Variants in LRRC4C observed in about 807,000 individuals in gnomAD.
LRRC4C encodes the protein leucine-rich repeat-containing protein 4C.
LRRC4C carries 5 observed loss-of-function variants against 33.6 expected under a neutral mutation model. That is an observed-to-expected ratio of 0.15 (90% CI 0.08 to 0.31). LRRC4C has a LOEUF of 0.31. LRRC4C is among the 10% of genes least tolerant of loss of function. LRRC4C has a pLI of 1.00. For missense variants in LRRC4C, 560 were observed against 796.7 expected (o/e 0.70, Z 3.58); for synonymous variants, 329 against 302.0 (o/e 1.09, Z -0.93).
At chr11:40,705,541 C>CTTTTTTTTTTTTTTTTT (rs1175946879) in intron 2 of LRRC4C, among the ~76,000 whole-genome samples, 2 of 150,380 alleles carry the variant, frequency 1.3e-5, no homozygotes, top group Non-Finnish European at 3.0e-5. Flanking sequence ...TGAACTCATT[C>CTTTTTTTTTTTTTTTTT]TTTTTTATGC....
intron 1 of LRRC4C, among the ~76,000 whole-genome samples, chr11:41,292,155 A>G (rs1046176810): frequency 6.6e-6 from 1 of 152,144 alleles, no homozygotes; most frequent in Non-Finnish European, 1.5e-5. Context: ...ACAATTAGGT[A>G]TCTCCACCTC....
At chr11:41,376,751 ATATAT>A (rs1418064084) in intron 1 of LRRC4C, among the ~76,000 whole-genome samples, 1 of 152,158 alleles carries the variant, frequency 6.6e-6, no homozygotes, top group African/African-American at 2.4e-5. Flanking sequence ...GAAAATATAC[ATATAT>A]TATAAACACA....
chr11:41,335,234 A>T (rs1187780167), intron 1 of LRRC4C, among the ~76,000 whole-genome samples: 1 of 152,224 alleles, frequency 6.6e-6, no homozygotes. Flanking sequence ...TAAGTCAGAC[A>T]TGGTCTCTGT....
intron 1 of LRRC4C, among the ~76,000 whole-genome samples, chr11:41,104,220 T>C (rs1941364316): frequency 6.6e-6 from 1 of 151,794 alleles, no homozygotes; most frequent in Admixed American, 6.6e-5. Context: ...GATACTTTTA[T>C]CCAAAAACGT....
At chr11:41,348,339 G>A (rs1333543045) in intron 1 of LRRC4C, among the ~76,000 whole-genome samples, 1 of 152,050 alleles carries the variant, frequency 6.6e-6, no homozygotes, top group Non-Finnish European at 1.5e-5. Context: ...AATAAAAAGT[G>A]TTGCTGTCTT....
chr11:41,193,187 G>A (rs1946035952), intron 1 of LRRC4C, among the ~76,000 whole-genome samples: 1 of 152,032 alleles, frequency 6.6e-6, no homozygotes. Context: ...CACTTTTTCT[G>A]TATTGTTTTC....
intron 4 of LRRC4C, among the ~76,000 whole-genome samples, chr11:40,251,306 G>C (rs1590822041): frequency 6.6e-6 from 1 of 152,040 alleles, no homozygotes; most frequent in Non-Finnish European, 1.5e-5. Flanking sequence ...TAAATATTAG[G>C]ACAATGAATA....
chr11:40,747,528 A>G (rs1048001803), intron 2 of LRRC4C, among the ~76,000 whole-genome samples: 1 of 152,166 alleles, frequency 6.6e-6, no homozygotes, highest in Non-Finnish European at 1.5e-5. Flanking sequence ...TCACCACCGA[A>G]GGAGCGTGAT....
chr11:41,366,964 G>C (rs919733769), intron 1 of LRRC4C, among the ~76,000 whole-genome samples: 10 of 152,146 alleles, frequency 6.6e-5, no homozygotes, highest in Non-Finnish European at 1.3e-4. Context: ...GATGTTAATA[G>C]AGACCAAAAA....
chr11:41,337,345 A>C (rs1951489506), intron 1 of LRRC4C, among the ~76,000 whole-genome samples: 1 of 152,172 alleles, frequency 6.6e-6, no homozygotes, highest in African/African-American at 2.4e-5. Context: ...TGCACCTGGA[A>C]AAAATTAAAT....
At chr11:40,297,522 C>T (rs1452943232) in intron 4 of LRRC4C, among the ~76,000 whole-genome samples, 2 of 151,900 alleles carry the variant, frequency 1.3e-5, no homozygotes, top group Non-Finnish European at 2.9e-5. Context: ...CCTAATAATC[C>T]TCTATTCTTT....
chr11:41,105,483 T>C (rs934942612), intron 1 of LRRC4C, among the ~76,000 whole-genome samples: 10 of 152,026 alleles, frequency 6.6e-5, no homozygotes, highest in African/African-American at 2.4e-4. Context: ...GTTCATCTCA[T>C]TAATTTTTGT....
At chr11:40,310,942 G>A (rs1439175324) in intron 4 of LRRC4C, among the ~76,000 whole-genome samples, 1 of 152,186 alleles carries the variant, frequency 6.6e-6, no homozygotes, top group Non-Finnish European at 1.5e-5. Flanking sequence ...AATTCGGGAT[G>A]TGATACACTG....
At chr11:40,667,502 T>C (rs1326915094) in intron 2 of LRRC4C, among the ~76,000 whole-genome samples, 1 of 152,170 alleles carries the variant, frequency 6.6e-6, no homozygotes, top group Non-Finnish European at 1.5e-5. Flanking sequence ...CAAGGGAATA[T>C]GGCAAAAGTA....
intron 2 of LRRC4C, among the ~76,000 whole-genome samples, chr11:40,774,447 T>A (rs1212543676): frequency 6.6e-6 from 1 of 152,190 alleles, no homozygotes; most frequent in Non-Finnish European, 1.5e-5. Context: ...CAATTGGGGA[T>A]AAATTAATCT....
chr11:41,235,405 G>T (rs1947977001), intron 1 of LRRC4C, among the ~76,000 whole-genome samples: 1 of 152,046 alleles, frequency 6.6e-6, no homozygotes, highest in Non-Finnish European at 1.5e-5. Flanking sequence ...TCACCTGCAT[G>T]AAGCAGTATT....
At chr11:40,345,880 G>T (rs975270412) in intron 3 of LRRC4C, among the ~76,000 whole-genome samples, 2 of 114,366 alleles carry the variant, frequency 1.7e-5, no homozygotes, top group Admixed American at 9.1e-5. Context: ...CCATTAAAAA[G>T]TGGGCAAATA....
chr11:40,202,431 G>C (rs966798454), intron 5 of LRRC4C, among the ~76,000 whole-genome samples: 1 of 151,988 alleles, frequency 6.6e-6, no homozygotes, highest in Non-Finnish European at 1.5e-5. Flanking sequence ...AGCAGGGAGA[G>C]GAAAGCTGAG....
chr11:41,245,857 G>A (rs1360150824), intron 1 of LRRC4C, among the ~76,000 whole-genome samples: 1 of 152,182 alleles, frequency 6.6e-6, no homozygotes, highest in Non-Finnish European at 1.5e-5. Flanking sequence ...ACCCATAGTG[G>A]GCAGCTCCTC....
Sources: gnomAD v4.1 joint callset for allele counts (sites outside exome capture counted in the v4.1 genomes callset) on GRCh38, gnomAD v4.1.1 for gene constraint, MANE v1.5 for transcripts, NCBI Gene and HGNC (gene_info 2026-07-23, HGNC 2026-07-21) for gene names.